Variants in ADAMTS17 observed in about 807,000 individuals in gnomAD.
ADAMTS17 encodes the protein A disintegrin and metalloproteinase with thrombospondin motifs 17.
ADAMTS17 carries 113 observed loss-of-function variants against 141.5 expected under a neutral mutation model. The ratio of observed to expected loss-of-function variants is 0.80; its 90% confidence interval spans 0.69 to 0.93. The LOEUF is 0.93. Among genes scored for constraint, ADAMTS17 ranks in the 40% least tolerant of loss-of-function variants. The probability of loss-of-function intolerance (pLI) is 0.00; values close to 1 mark genes in which losing one functional copy is unlikely to be tolerated. For missense variants in ADAMTS17, 1,659 were observed against 1,517.9 expected (o/e 1.09, Z -1.54); for synonymous variants, 768 against 630.6 (o/e 1.22, Z -3.27).
At chr15:100,186,045 T>A (rs753132817) in intron 8 of ADAMTS17, among the ~76,000 whole-genome samples, 1 of 152,120 alleles carries the variant, frequency 6.6e-6, no homozygotes, top group Non-Finnish European at 1.5e-5. Flanking sequence ...CCTAATCTAC[T>A]GGCAGTGGCC....
At chr15:100,243,935 A>G (rs1020345191) in intron 7 of ADAMTS17, among the ~76,000 whole-genome samples, 1 of 152,174 alleles carries the variant, frequency 6.6e-6, no homozygotes, top group African/African-American at 2.4e-5. Context: ...CAGATGAGAA[A>G]ACAGAGCAGG....
At chr15:100,201,133 C>A (rs971478530) in intron 7 of ADAMTS17, among the ~76,000 whole-genome samples, 1 of 152,214 alleles carries the variant, frequency 6.6e-6, no homozygotes, top group African/African-American at 2.4e-5. Context: ...TTCAGCCATA[C>A]ACAGGGTGGT....
At chr15:100,077,280 C>A (rs1246555036) in intron 15 of ADAMTS17, among the ~76,000 whole-genome samples, 2 of 56,562 alleles carry the variant, frequency 3.5e-5, no homozygotes, top group African/African-American at 1.8e-4. Context: ...CCTATCTCTA[C>A]CACAAAAAAA....
intron 20 of ADAMTS17, among the ~76,000 whole-genome samples, chr15:99,988,376 C>T (rs1287147400): frequency 6.6e-6 from 1 of 152,118 alleles, no homozygotes; most frequent in Non-Finnish European, 1.5e-5. Context: ...TATGACATGC[C>T]AGCTCCACCT....
chr15:100,049,089 A>C (rs996858713), intron 17 of ADAMTS17, 97 bp from the exon 18 acceptor site: 1 of 1,580,338 alleles, frequency 6.3e-7, no homozygotes, highest in South Asian at 1.1e-5. Flanking sequence ...GGTGCTGCTG[A>C]TGGTCACTTG....
At chr15:100,295,017 C>T (rs1014130026) in intron 3 of ADAMTS17, among the ~76,000 whole-genome samples, 1 of 152,108 alleles carries the variant, frequency 6.6e-6, no homozygotes, top group African/African-American at 2.4e-5. Flanking sequence ...CCAGCCACAC[C>T]AGTGCTTTCT....
intron 7 of ADAMTS17, among the ~76,000 whole-genome samples, chr15:100,221,924 T>G (rs1251423066): frequency 6.6e-6 from 1 of 152,190 alleles, no homozygotes; most frequent in Non-Finnish European, 1.5e-5. Context: ...GGAGGCCGCC[T>G]GGGGTCTCTG....
chr15:100,100,279 C>T lies in ADAMTS17; in HGVS notation c.2017-3803G>A, dbSNP rs558320080. ...CTCCCTCCTCTTGCTTCTTCGACTC[C>T]GTGAAAGTGGGTAGCTCCCCCGGGG... On this transcript the variant is annotated intron_variant, in intron 14 of 21. Coordinates refer to ENST00000268070, the MANE Select transcript of ADAMTS17 (RefSeq NM_139057.4). Among the ~76,000 whole-genome samples, 170 of 152,326 alleles carry T rather than the reference C, an allele frequency of 1.1e-3. 1 individual carries two copies. In the South Asian group the frequency reaches 0.019, roughly 17 times the overall value.
At chr15:100,215,601 T>C (rs2041945826) in intron 7 of ADAMTS17, among the ~76,000 whole-genome samples, 2 of 152,068 alleles carry the variant, frequency 1.3e-5, no homozygotes, top group African/African-American at 2.4e-5. Flanking sequence ...TTCTGGCTGA[T>C]AGTCAGGGAA....
chr15:100,161,476 G>A (rs189572649), intron 8 of ADAMTS17, among the ~76,000 whole-genome samples: 15 of 152,308 alleles, frequency 9.8e-5, no homozygotes, highest in African/African-American at 3.6e-4. Context: ...CTCCATGGAA[G>A]GCTGACTCCA....
intron 7 of ADAMTS17, among the ~76,000 whole-genome samples, chr15:100,229,103 G>C (rs894532850): frequency 3.9e-5 from 6 of 152,174 alleles, no homozygotes; most frequent in African/African-American, 1.4e-4. Context: ...AAGCCTGGGA[G>C]GGGAAGATGG....
intron 6 of ADAMTS17, among the ~76,000 whole-genome samples, chr15:100,257,953 A>G (rs1191466970): frequency 6.6e-6 from 1 of 152,132 alleles, no homozygotes; most frequent in Non-Finnish European, 1.5e-5. Flanking sequence ...ACCATTCTTT[A>G]TCTCTACGAA....
At chr15:100,019,370 T>A (rs2061356244) in intron 18 of ADAMTS17, among the ~76,000 whole-genome samples, 1 of 152,160 alleles carries the variant, frequency 6.6e-6, no homozygotes, top group African/African-American at 2.4e-5. Context: ...ACTTAACGGA[T>A]GTGAAATGAA....
At chr15:100,092,282 G>A (rs184413483) in intron 15 of ADAMTS17, among the ~76,000 whole-genome samples, 2 of 152,312 alleles carry the variant, frequency 1.3e-5, no homozygotes, top group Admixed American at 1.3e-4. Context: ...GTTTATGTAA[G>A]CATTTAATGG....
At chr15:100,102,842 A>G (rs4965278) in intron 14 of ADAMTS17, among the ~76,000 whole-genome samples, 61,875 of 151,874 alleles carry the variant, frequency 0.41, 15,142 homozygotes, top group African/African-American at 0.69. Context: ...TGAGTGTGGG[A>G]TCAGACACCA....
At chr15:100,124,114 C>T (rs542418046) in intron 12 of ADAMTS17, among the ~76,000 whole-genome samples, 4 of 152,140 alleles carry the variant, frequency 2.6e-5, no homozygotes, top group African/African-American at 9.6e-5. Flanking sequence ...CAGGTGTGCG[C>T]CACCATGCCC....
intron 10 of ADAMTS17, among the ~76,000 whole-genome samples, chr15:100,147,538 G>C (rs1045145557): frequency 1.3e-5 from 2 of 152,206 alleles, no homozygotes; most frequent in East Asian, 1.9e-4. Context: ...ATGGTATTTT[G>C]TGTATCTAAA....
intron 14 of ADAMTS17, among the ~76,000 whole-genome samples, chr15:100,098,492 C>G (rs574953664): frequency 6.6e-6 from 1 of 151,960 alleles, no homozygotes; most frequent in Non-Finnish European, 1.5e-5. Flanking sequence ...ACTAAAAATA[C>G]AAAAATTAGC....
At chr15:100,024,598 C>T (rs780991825) in intron 18 of ADAMTS17, among the ~76,000 whole-genome samples, 3 of 152,154 alleles carry the variant, frequency 2.0e-5, no homozygotes, top group Admixed American at 6.5e-5. Flanking sequence ...CACTATGACC[C>T]GGCCATGCCT....
Sources: allele counts gnomAD v4.1 joint callset (sites outside exome capture counted in the v4.1 genomes callset), GRCh38; gene constraint gnomAD v4.1.1; transcripts MANE v1.5; gene names NCBI Gene and HGNC (gene_info 2026-07-23, HGNC 2026-07-21).